Variants in ATP6V0A4 observed in about 807,000 individuals in gnomAD.
The protein encoded by ATP6V0A4 is V-type proton ATPase 116 kDa subunit a 4.
In ATP6V0A4, 86 loss-of-function variants were observed where a neutral mutation model predicts 107.3. The ratio of observed to expected loss-of-function variants is 0.80; its 90% CI spans 0.67 to 0.96. ATP6V0A4 has a LOEUF of 0.96. Ranked by LOEUF, ATP6V0A4 falls within the 40% of genes least tolerant of loss-of-function variation. The pLI is 0.00. For synonymous variants in ATP6V0A4, 353 were observed against 381.4 expected (o/e 0.93, Z 0.87); for missense variants, 908 against 1,045.6 (o/e 0.87, Z 1.81).
chr7:138,771,460 G>C (rs1807386365), intron 2 of ATP6V0A4, 196 bp from the exon 3 acceptor site: 1 of 225,440 alleles, frequency 4.4e-6, no homozygotes, highest in African/African-American at 2.5e-5. Context: ...CGAATGCAGT[G>C]GTGCAATTCT....
At chr7:138,716,016 T>A in intron 19 of ATP6V0A4, 135 bp from the exon 20 acceptor site, 1 of 1,220,264 alleles carries the variant, frequency 8.2e-7, no homozygotes, top group Admixed American at 2.0e-5. Context: ...AAAGAAATAG[T>A]AATAGACTTA....
At chr7:138,734,349 G>A (rs772341312) in intron 15 of ATP6V0A4, 95 bp from the exon 16 acceptor site, 84 of 1,577,450 alleles carry the variant, frequency 5.3e-5, no homozygotes, top group Non-Finnish European at 6.5e-5. Flanking sequence ...TAAGCAAACC[G>A]CTCTGGGAAC....
intron 9 of ATP6V0A4, chr7:138,756,001 A>G: frequency 1.3e-6 from 1 of 764,300 alleles, no homozygotes; most frequent in Non-Finnish European, 2.1e-6. Flanking sequence ...TATATGAATG[A>G]GCTTCATTCA....
At chr7:138,751,911 G>C (rs1462741157) in intron 11 of ATP6V0A4, among the ~76,000 whole-genome samples, 1 of 152,150 alleles carries the variant, frequency 6.6e-6, no homozygotes, top group Non-Finnish European at 1.5e-5. Context: ...GCTGAGATGG[G>C]AGGATCACCT....
rs377068937 is a variant in ATP6V0A4, at chr7:138,755,777, C to G, written c.728G>C (p.Arg243Pro). Residue 243 changes from arginine to proline, a missense_variant, in exon 10 of 22, where the codon CGA becomes CCA. Arg to Pro is a moderately radical substitution (Grantham distance 103). Coordinates refer to ENST00000310018, the MANE Select transcript of ATP6V0A4 (RefSeq NM_020632.3). ...QKIKKICDGF[R>P]ATVYPCPEPA... ...CTCTGGGCAAGGGTAGACAGTGGCT[C>G]GAAACCTGTGTTTAATATATTCCAA... is the stretch of plus-strand genomic sequence containing the variant. The G allele has an allele frequency of 1.9e-6, 3 of 1,612,984 alleles. No homozygotes were observed. The highest frequency in any genetic ancestry group is 2.5e-6 in the Non-Finnish European group (3 of 1,180,006).
chr7:138,745,783 G>A (rs562980007), intron 13 of ATP6V0A4, among the ~76,000 whole-genome samples: 5 of 146,986 alleles, frequency 3.4e-5, no homozygotes, highest in Non-Finnish European at 6.0e-5. Context: ...GTGAAACCCC[G>A]TCTCTACTAA....
At chr7:138,777,627 A>ATACAC (rs1403926650) in intron 2 of ATP6V0A4, among the ~76,000 whole-genome samples, 13 of 140,428 alleles carry the variant, frequency 9.3e-5, no homozygotes, top group African/African-American at 4.0e-4. Flanking sequence ...AAAAAAAAAA[A>ATACAC]AAAAATACAC....
At chr7:138,725,731 T>C (rs1207770451) in intron 18 of ATP6V0A4, among the ~76,000 whole-genome samples, 2 of 152,104 alleles carry the variant, frequency 1.3e-5, no homozygotes, top group African/African-American at 4.8e-5. Context: ...CAGGCTGGTC[T>C]CGAACTCCTG....
At position 138,734,564 on chromosome 7, in the gene ATP6V0A4, C is replaced by T. The variant is rs1440040710; in HGVS notation, c.1573-310G>A. 2.6e-5 allele frequency among the ~76,000 whole-genome samples: 4 copies of T among 151,966 alleles called. No homozygotes were observed. In the East Asian group the frequency reaches 7.7e-4, roughly 29 times the overall value. ...GGCCGAGGCAGGTGTATCACTTGAG[C>T]TCAGGAGTTCGAGACCAGTCTGGTC... On this transcript the variant is annotated intron_variant, in intron 15 of 21. Coordinates refer to ENST00000310018, the MANE Select transcript of ATP6V0A4 (RefSeq NM_020632.3).
intron 11 of ATP6V0A4, among the ~76,000 whole-genome samples, chr7:138,752,355 G>A (rs1373244130): frequency 1.4e-5 from 2 of 146,442 alleles, no homozygotes; most frequent in East Asian, 4.1e-4. Context: ...GGGCTACAGA[G>A]CGAGATTCTA....
At chr7:138,792,181 A>G (rs1225691740) in intron 1 of ATP6V0A4, among the ~76,000 whole-genome samples, 1 of 152,076 alleles carries the variant, frequency 6.6e-6, no homozygotes, top group Non-Finnish European at 1.5e-5. Context: ...GGTGGCGGGC[A>G]CCTGTAGTCC....
At chr7:138,789,133 C>T (rs1397049046) in intron 1 of ATP6V0A4, among the ~76,000 whole-genome samples, 3 of 152,076 alleles carry the variant, frequency 2.0e-5, no homozygotes, top group East Asian at 1.9e-4. Flanking sequence ...CTGTACATTC[C>T]ATTGTGACCA....
chr7:138,746,714 C>T (rs762455616), intron 13 of ATP6V0A4, among the ~76,000 whole-genome samples: 13 of 152,006 alleles, frequency 8.6e-5, no homozygotes, highest in Non-Finnish European at 1.6e-4. Context: ...ATGTTGGCCA[C>T]GTTGGCCTCG....
At chr7:138,764,870 G>A in intron 5 of ATP6V0A4, 1 of 153,654 alleles carries the variant, frequency 6.5e-6, no homozygotes, top group Non-Finnish European at 1.5e-5. Context: ...TTGGCTCACT[G>A]CAAACTCCAC....
chr7:138,768,473 C>T (rs1272239835), intron 5 of ATP6V0A4, among the ~76,000 whole-genome samples: 1 of 151,408 alleles, frequency 6.6e-6, no homozygotes, highest in African/African-American at 2.4e-5. Flanking sequence ...ACCCAGCAGA[C>T]AAGACCACAC....
At chr7:138,732,275 A>AT (rs201758543) in intron 17 of ATP6V0A4, among the ~76,000 whole-genome samples, 32 of 151,648 alleles carry the variant, frequency 2.1e-4, no homozygotes, top group Non-Finnish European at 3.8e-4. Flanking sequence ...TTGAAGGGTT[A>AT]TTTTTTTTTC....
chr7:138,758,171 T>C (rs1372476694), intron 8 of ATP6V0A4, among the ~76,000 whole-genome samples: 1 of 152,208 alleles, frequency 6.6e-6, no homozygotes, highest in Non-Finnish European at 1.5e-5. Context: ...AAGTGATGAT[T>C]TAATGTCAAA....
chr7:138,738,713 C>T (rs761128219), intron 15 of ATP6V0A4, among the ~76,000 whole-genome samples: 2 of 152,070 alleles, frequency 1.3e-5, no homozygotes, highest in Non-Finnish European at 2.9e-5. Flanking sequence ...CACAGGAAAA[C>T]TTAAGAGGAG....
intron 2 of ATP6V0A4, 136 bp from the exon 3 acceptor site, chr7:138,771,400 CTTT>C (rs199718487): frequency 9.0e-4 from 591 of 659,560 alleles, no homozygotes; most frequent in Middle Eastern, 1.5e-3. Context: ...TTTTAGGAGA[CTTT>C]TTTTTTTTTT....
Sources: allele counts gnomAD v4.1 joint callset (sites outside exome capture counted in the v4.1 genomes callset), GRCh38; gene constraint gnomAD v4.1.1; transcripts MANE v1.5; gene names NCBI Gene and HGNC (gene_info 2026-07-23, HGNC 2026-07-21).